SORCS2: variants seen among roughly 807,000 people sequenced by gnomAD.
SORCS2 encodes VPS10 domain-containing receptor SorCS2.
In SORCS2, 100 loss-of-function variants were observed where a neutral mutation model predicts 141.6. The ratio of observed to expected loss-of-function variants is 0.71; its 90% confidence interval spans 0.60 to 0.83. SORCS2 has a LOEUF of 0.83. SORCS2 is among the 40% of genes least tolerant of loss of function. SORCS2 has a pLI of 0.00. For synonymous variants in SORCS2, 789 were observed against 676.9 expected, an observed-to-expected ratio of 1.17 and a Z score of -2.57; for missense variants, 1,646 against 1,560.2, an observed-to-expected ratio of 1.05 and a Z score of -0.93.
intron 1 of SORCS2, among the ~76,000 whole-genome samples, chr4:7,294,608 G>C (rs923932525): frequency 2.0e-5 from 3 of 151,176 alleles, no homozygotes; most frequent in South Asian, 2.1e-4. Context: ...GGCCCAGCCA[G>C]TACTTGCCGT....
At position 7,664,279 on chromosome 4, in the gene SORCS2, T is replaced by G. The variant is rs886110528; in HGVS notation, c.953-74T>G. ...ACAGCGGTATTGGAGGAAGATGGAG[T>G]CCAGCACATGTCTCGGGCCGTCTCT... On this transcript the variant is annotated intron_variant, in intron 6 of 26. Transcript: ENST00000507866. The surrounding 1 kb of genome is among the most constrained non-coding windows in gnomAD (Gnocchi z 4.7). 8.3e-7 allele frequency: 1 copy of G among 1,211,250 alleles called. No homozygotes were observed. The highest frequency in any genetic ancestry group is 1.5e-5 in the African/African-American group (1 of 66,320). The allele number at this position is 1,211,250 out of a possible 1,614,324, so 75.0% of individuals were successfully genotyped here.
At chr4:7,368,913 C>G (rs1225023909) in intron 1 of SORCS2, among the ~76,000 whole-genome samples, 1 of 152,170 alleles carries the variant, frequency 6.6e-6, no homozygotes, top group Non-Finnish European at 1.5e-5. Flanking sequence ...GTTTTAAAAA[C>G]TGGAGTTTCC....
At chr4:7,255,058 C>T (rs1713760974) in intron 1 of SORCS2, among the ~76,000 whole-genome samples, 2 of 152,050 alleles carry the variant, frequency 1.3e-5, no homozygotes, top group East Asian at 1.9e-4. Context: ...AGTGTGTGAG[C>T]GTGCGTGAGA....
Position 7,712,773 on chromosome 4 carries a change from G to C in SORCS2, c.1909G>C (p.Val637Leu), listed in dbSNP as rs765304880. 3 of 1,613,880 alleles carry C rather than the reference G, an allele frequency of 1.9e-6. No homozygotes were observed. The highest frequency in any genetic ancestry group is 2.5e-6 in the Non-Finnish European group (3 of 1,179,808). Residue 637 changes from valine to leucine, a missense_variant, in exon 15 of 27, where the codon GTC becomes CTC. Physicochemically the swap from Val to Leu is conservative, Grantham distance 32 (BLOSUM62 1). Coordinates refer to ENST00000507866, the MANE Select transcript of SORCS2 (RefSeq NM_020777.3). ...HISFRSDWEL[V>L]KVDFRPSFSR... ...CAGCTTCCGCTCCGATTGGGAGCTG[G>C]TCAAGGTGGACTTCCGGCCCTCATT...
intron 10 of SORCS2, among the ~76,000 whole-genome samples, chr4:7,686,452 AG>A (rs894041875): frequency 3.9e-5 from 6 of 152,178 alleles, no homozygotes; most frequent in African/African-American, 1.4e-4. Context: ...CGGACAGAGA[AG>A]GGAGAGTCCT....
At chr4:7,738,650 G>A (rs1301856273) in intron 26 of SORCS2, among the ~76,000 whole-genome samples, 1 of 152,186 alleles carries the variant, frequency 6.6e-6, no homozygotes, top group Non-Finnish European at 1.5e-5. Flanking sequence ...CCGTTCTGAT[G>A]ATCCGGCTTC....
At chr4:7,281,187 G>T (rs1342379495) in intron 1 of SORCS2, among the ~76,000 whole-genome samples, 1 of 152,076 alleles carries the variant, frequency 6.6e-6, no homozygotes, top group Non-Finnish European at 1.5e-5. Context: ...TTCTTGTCAG[G>T]CTCACTGATG....
intron 9 of SORCS2, among the ~76,000 whole-genome samples, chr4:7,679,877 C>A (rs1378128740): frequency 6.6e-6 from 1 of 151,994 alleles, no homozygotes; most frequent in African/African-American, 2.4e-5. Context: ...GGGGCCTTGG[C>A]CTATATCTGG....
chr4:7,604,709 C>T (rs1414423156), intron 3 of SORCS2, among the ~76,000 whole-genome samples: 1 of 152,214 alleles, frequency 6.6e-6, no homozygotes, highest in East Asian at 1.9e-4. Context: ...CTGTAAGTTT[C>T]CCGAGGCCTG....
At chr4:7,502,009 G>T (rs188145486) in intron 2 of SORCS2, among the ~76,000 whole-genome samples, 18 of 152,258 alleles carry the variant, frequency 1.2e-4, no homozygotes, top group African/African-American at 4.1e-4. Flanking sequence ...TCGTGGTCCC[G>T]CCCCTACAGT....
chr4:7,229,159 C>T (rs982900604), intron 1 of SORCS2, among the ~76,000 whole-genome samples: 4 of 152,170 alleles, frequency 2.6e-5, no homozygotes, highest in Non-Finnish European at 2.9e-5. Flanking sequence ...GGTAGCTTGC[C>T]GTGCTCGGAA....
intron 3 of SORCS2, among the ~76,000 whole-genome samples, chr4:7,550,210 C>T (rs896704177): frequency 1.3e-5 from 2 of 151,676 alleles, no homozygotes; most frequent in Non-Finnish European, 1.5e-5. Flanking sequence ...CTGCAGTTGC[C>T]TCCCTGCCTG....
chr4:7,400,011 C>G (rs903192665), intron 2 of SORCS2, among the ~76,000 whole-genome samples: 5 of 152,148 alleles, frequency 3.3e-5, no homozygotes, highest in Non-Finnish European at 5.9e-5. Flanking sequence ...AACAAGCTCC[C>G]GAGTGCTGCC....
At chr4:7,563,847 G>A (rs1714770187) in intron 3 of SORCS2, among the ~76,000 whole-genome samples, 1 of 152,144 alleles carries the variant, frequency 6.6e-6, no homozygotes, top group Non-Finnish European at 1.5e-5. Context: ...GAATTCCGAG[G>A]GCCTTGTTGC....
At chr4:7,675,938 C>T in intron 8 of SORCS2, 112 bp from the exon 9 acceptor site, 1 of 1,274,826 alleles carries the variant, frequency 7.8e-7, no homozygotes, top group South Asian at 1.4e-5. Flanking sequence ...CAGGCTGGCT[C>T]CAGGAGAGCC....
chr4:7,318,223 G>A (rs1718684687), intron 1 of SORCS2, among the ~76,000 whole-genome samples: 10 of 152,216 alleles, frequency 6.6e-5, no homozygotes, highest in Admixed American at 6.5e-4. Flanking sequence ...AAGGCTCAGG[G>A]AGGTAAGTCC....
At chr4:7,422,737 C>T (rs1355492518) in intron 2 of SORCS2, among the ~76,000 whole-genome samples, 1 of 152,160 alleles carries the variant, frequency 6.6e-6, no homozygotes, top group Admixed American at 6.5e-5. Flanking sequence ...ACCGCCGTCT[C>T]TCGCCTGGAC....
chr4:7,229,007 G>A (rs75802032), intron 1 of SORCS2, among the ~76,000 whole-genome samples: 5,304 of 152,286 alleles, frequency 0.035, 316 homozygotes, highest in East Asian at 0.27. Context: ...GAGGCCTGCC[G>A]CGCCTTGCTC....
intron 3 of SORCS2, among the ~76,000 whole-genome samples, chr4:7,626,784 T>G (rs1334587471): frequency 6.6e-6 from 1 of 152,158 alleles, no homozygotes; most frequent in African/African-American, 2.4e-5. Context: ...GAGGGTGATT[T>G]CATCCTGTCC....
Sources: allele counts gnomAD v4.1 joint callset (sites outside exome capture counted in the v4.1 genomes callset), GRCh38; gene constraint gnomAD v4.1.1; non-coding constraint Gnocchi (gnomAD v3.1); transcripts MANE v1.5; gene names NCBI Gene and HGNC (gene_info 2026-07-23, HGNC 2026-07-21).